Variants in DLGAP2 observed in about 807,000 individuals in gnomAD.
DLGAP2 encodes disks large-associated protein 2.
A neutral mutation model predicts 100.3 loss-of-function variants in DLGAP2; 26 were observed. That is an observed-to-expected ratio of 0.26 (90% CI 0.19 to 0.36). The LOEUF (loss-of-function observed/expected upper bound fraction) is 0.36, where lower values mean the gene tolerates loss of function less well. Among genes scored for constraint, DLGAP2 ranks in the 10% least tolerant of loss-of-function variants. DLGAP2 has a pLI of 1.00. For synonymous variants in DLGAP2, 886 were observed against 630.1 expected, an observed-to-expected ratio of 1.41 and a Z score of -6.08; for missense variants, 1,858 against 1,453.2, an observed-to-expected ratio of 1.28 and a Z score of -4.53.
At chr8:1,438,778 C>G (rs2130051657) in intron 3 of DLGAP2, among the ~76,000 whole-genome samples, 1 of 152,304 alleles carries the variant, frequency 6.6e-6, no homozygotes, top group East Asian at 1.9e-4. Context: ...GCAGCAGGCT[C>G]TAAAGATATG....
chr8:1,337,478 G>GAGAAT (rs1801314339), intron 3 of DLGAP2, among the ~76,000 whole-genome samples: 1 of 16,894 alleles, frequency 5.9e-5, no homozygotes, highest in African/African-American at 2.4e-4. Context: ...AGGATGATGG[G>GAGAAT]GATGGGGATG....
chr8:1,379,677 G>T (rs1181974849), intron 3 of DLGAP2: 1 of 152,274 alleles, frequency 6.6e-6, no homozygotes, highest in Non-Finnish European at 1.5e-5. Context: ...AACTGGCAGG[G>T]ACCCCGCACT....
chr8:1,351,179 A>G (rs1157455978), intron 3 of DLGAP2, among the ~76,000 whole-genome samples: 3 of 19,968 alleles, frequency 1.5e-4, no homozygotes, highest in East Asian at 3.1e-3. Flanking sequence ...AAGGCCGTGC[A>G]GATCCTGAGT....
Position 856,218 on chromosome 8 carries a change from C to T in DLGAP2, c.19-51694C>T, listed in dbSNP as rs867112801. Among the ~76,000 whole-genome samples, 33 of 99,124 alleles carry T rather than the reference C, an allele frequency of 3.3e-4. 1 individual carries two copies. The highest frequency in any genetic ancestry group is 1.3e-3 in the South Asian group (4 of 2,994). The allele number at this position is 99,124 out of a possible 152,430, so 65.0% of individuals were successfully genotyped here. A position where few individuals can be genotyped will look rare whatever the true frequency, so the allele number is the denominator to read the frequency against. On this transcript the variant is annotated intron_variant, in intron 1 of 14. Transcript: ENST00000637795. ...TTTTTTTTTTTTTGAGATGGAGTTT[C>T]GCTCTTGTTGCCCAGACTAGAGTGC... is the stretch of plus-strand genomic sequence containing the variant.
intron 1 of DLGAP2, among the ~76,000 whole-genome samples, chr8:778,400 C>A (rs1195103041): frequency 6.6e-6 from 1 of 152,228 alleles, no homozygotes; most frequent in Admixed American, 6.5e-5. Flanking sequence ...GAACTGCGTT[C>A]CGTTGGAGGA....
chr8:776,027 A>C (rs1362810649), intron 1 of DLGAP2, among the ~76,000 whole-genome samples: 19 of 151,958 alleles, frequency 1.3e-4, no homozygotes, highest in South Asian at 4.1e-4. Context: ...ACAATTTCAG[A>C]TCCTGTTATT....
chr8:943,222 C>A (rs553853419), intron 2 of DLGAP2, among the ~76,000 whole-genome samples: 29 of 152,282 alleles, frequency 1.9e-4, no homozygotes, highest in Non-Finnish European at 8.8e-5. Context: ...CACAGGATGG[C>A]CACTTTTCCA....
chr8:776,711 G>C (rs1407212132), intron 1 of DLGAP2, among the ~76,000 whole-genome samples: 2 of 152,220 alleles, frequency 1.3e-5, no homozygotes, highest in African/African-American at 4.8e-5. Flanking sequence ...TGTGGTCTGA[G>C]AGATAGTTTC....
At chr8:1,315,341 A>C (rs926787930) in intron 3 of DLGAP2, among the ~76,000 whole-genome samples, 3 of 146,902 alleles carry the variant, frequency 2.0e-5, no homozygotes, top group African/African-American at 7.5e-5. Context: ...GAAACTCGGC[A>C]GCGTTTAAAA....
intron 3 of DLGAP2, among the ~76,000 whole-genome samples, chr8:1,329,513 G>T (rs1288205564): frequency 6.6e-6 from 1 of 152,174 alleles, no homozygotes; most frequent in South Asian, 2.1e-4. Context: ...TAGAGAGTGT[G>T]TGCATGTGTG....
chr8:1,422,305 G>T (rs1181585989), intron 3 of DLGAP2, among the ~76,000 whole-genome samples: 1 of 152,160 alleles, frequency 6.6e-6, no homozygotes, highest in Non-Finnish European at 1.5e-5. Flanking sequence ...TTTCACAATA[G>T]GGAAGAAGTG....
intron 3 of DLGAP2, among the ~76,000 whole-genome samples, chr8:1,438,521 C>T (rs1216919343): frequency 1.3e-5 from 2 of 152,166 alleles, no homozygotes; most frequent in Non-Finnish European, 2.9e-5. Context: ...TGGTGACTCA[C>T]CACTAGCTTT....
chr8:1,253,741 C>A (rs964438768), intron 2 of DLGAP2, among the ~76,000 whole-genome samples: 1 of 152,160 alleles, frequency 6.6e-6, no homozygotes. Flanking sequence ...TGGTCTTCTC[C>A]TAATTTAAGT....
At chr8:1,599,849 C>T (rs1429063081) in intron 6 of DLGAP2, among the ~76,000 whole-genome samples, 1 of 152,118 alleles carries the variant, frequency 6.6e-6, no homozygotes, top group Non-Finnish European at 1.5e-5. Context: ...TGTCTTTTAA[C>T]TGGGACATTT....
chr8:1,520,416 C>G (rs1436459579), intron 4 of DLGAP2, among the ~76,000 whole-genome samples: 2 of 152,184 alleles, frequency 1.3e-5, no homozygotes, highest in African/African-American at 4.8e-5. Context: ...ATTGATGAGC[C>G]AGGATTGATG....
At chr8:750,262 A>G (rs1820756955) in intron 1 of DLGAP2, among the ~76,000 whole-genome samples, 1 of 152,224 alleles carries the variant, frequency 6.6e-6, no homozygotes, top group East Asian at 1.9e-4. Context: ...GCCGTGCCGC[A>G]TCCTTGCCAC....
intron 2 of DLGAP2, among the ~76,000 whole-genome samples, chr8:1,185,332 C>T (rs1797476559): frequency 6.6e-6 from 1 of 152,210 alleles, no homozygotes; most frequent in African/African-American, 2.4e-5. Flanking sequence ...CACCATCATT[C>T]TGCTGACGTC....
chr8:1,530,758 C>T (rs550350870), intron 4 of DLGAP2, among the ~76,000 whole-genome samples: 9 of 152,342 alleles, frequency 5.9e-5, no homozygotes, highest in East Asian at 1.9e-4. Context: ...CCAGTCCCTC[C>T]GTCTGGGGTC....
chr8:1,605,652 G>T (rs769763658), intron 6 of DLGAP2, among the ~76,000 whole-genome samples: 7 of 152,012 alleles, frequency 4.6e-5, no homozygotes, highest in Non-Finnish European at 1.0e-4. Context: ...CTGTGATCCC[G>T]CTGATGTTAC....
Sources: allele counts gnomAD v4.1 joint callset (sites outside exome capture counted in the v4.1 genomes callset), GRCh38; gene constraint gnomAD v4.1.1; transcripts MANE v1.5; gene names NCBI Gene and HGNC (gene_info 2026-07-23, HGNC 2026-07-21).